Variants in PRDM8 observed in about 807,000 individuals in gnomAD.
PRDM8 encodes the protein PR domain zinc finger protein 8.
Under a neutral mutation model 46.5 loss-of-function variants are expected in PRDM8, and 13 were observed. The observed-to-expected ratio is 0.28, with a 90% CI of 0.18 to 0.44. The LOEUF is 0.44. Among genes scored for constraint, PRDM8 ranks in the 20% least tolerant of loss-of-function variants. The pLI is 1.00. For missense variants in PRDM8, 998 were observed against 955.0 expected, an observed-to-expected ratio of 1.04 and a Z score of -0.59; for synonymous variants, 473 against 438.4, an observed-to-expected ratio of 1.08 and a Z score of -0.98.
Position 80,202,940 on chromosome 4 carries a change from C to T in PRDM8, c.1478C>T (p.Ala493Val), listed in dbSNP as rs760170098. The T allele has an allele frequency of 2.7e-6, 4 of 1,461,594 alleles. No individual in the cohort carries two copies. The highest frequency in any genetic ancestry group is 2.9e-5 in the African/African-American group (2 of 68,062). 90.5% of individuals were successfully genotyped at this position (1,461,594 alleles called of 1,614,324 possible). ...AGGAGGGQGAASDERKSAFSQ... is the reference protein window; with the variant it reads ...AGGAGGGQGAVSDERKSAFSQ... ...GGCGCGGGCGGGGGCCAGGGCGCCG[C>T]GTCGGACGAGCGCAAAAGCGCCTTC... Residue 493 changes from alanine (A) to valine (V), a missense_variant, in exon 4 of 4, where the codon GCG becomes GTG. Transcript: ENST00000415738.
chr4:80,204,229 T>C lies in PRDM8; in HGVS notation c.*697T>C, dbSNP rs1301756655. On this transcript the variant is annotated 3_prime_UTR_variant, in exon 4 of 4. Transcript: ENST00000415738. Reference sequence around the variant, plus strand: ...TGCCAGTGAAATGGAGTCTGAATAGTTATGTGTTTCTTTTATCCCTGGAAA... The same window carrying C: ...TGCCAGTGAAATGGAGTCTGAATAGCTATGTGTTTCTTTTATCCCTGGAAA... 6.6e-6 allele frequency: 1 copy of C among 152,662 alleles called. No individual in the cohort carries two copies. The highest frequency in any genetic ancestry group is 1.9e-4 in the East Asian group (1 of 5,202). 9.5% of individuals were successfully genotyped at this position (152,662 alleles called of 1,614,324 possible).
chr4:80,197,602 C>A lies in PRDM8; in HGVS notation c.-164C>A, dbSNP rs1738062761. ...CCCCAATCTTTTTCTCCCCATCTCT[C>A]CATCTCTCTCTTATCTCTTCAGGAA... On this transcript the variant is annotated 5_prime_UTR_variant, in exon 1 of 4. Coordinates refer to ENST00000415738, the MANE Select transcript of PRDM8 (RefSeq NM_001099403.2). The A allele has an allele frequency of 2.1e-6, 2 of 959,234 alleles. No homozygotes were observed. Among genetic ancestry groups the A allele is most frequent in the South Asian group, 4.9e-5 (1 of 20,474 alleles). 59.4% of individuals were successfully genotyped at this position (959,234 alleles called of 1,614,324 possible).
At position 80,202,927 on chromosome 4, in the gene PRDM8, G is replaced by A. The variant is rs1310667127; in HGVS notation, c.1465G>A (p.Gly489Ser). Reference sequence around the variant, plus strand: ...CGGGGCCGCAGGCGGCGCGGGCGGGGGCCAGGGCGCCGCGTCGGACGAGCG... The same window carrying A: ...CGGGGCCGCAGGCGGCGCGGGCGGGAGCCAGGGCGCCGCGTCGGACGAGCG... Reference protein sequence around the residue: ...GAGAAGGAGGGQGAASDERKS... With the variant: ...GAGAAGGAGGSQGAASDERKS... The change falls in exon 4 of 4, where the codon GGC becomes AGC. Residue 489 changes from glycine to serine, a missense_variant. By Grantham distance (56) the Gly-to-Ser change is moderately conservative. Transcript: ENST00000415738. 2.8e-6 allele frequency: 4 copies of A among 1,435,482 alleles called. No homozygotes were observed. The highest frequency in any genetic ancestry group is 2.4e-4 in the Middle Eastern group (1 of 4,098). The allele number at this position is 1,435,482 out of a possible 1,614,324, so 88.9% of individuals were successfully genotyped here. A position where few individuals can be genotyped will look rare whatever the true frequency, so the allele number is the denominator to read the frequency against.
In PRDM8 at chr4:80,202,681, G is replaced by A; in HGVS notation, c.1219G>A (p.Ala407Thr). Residue 407 changes from alanine to threonine, a missense_variant, in exon 4 of 4, where the codon GCG becomes ACG. Coordinates refer to ENST00000415738, the MANE Select transcript of PRDM8 (RefSeq NM_001099403.2). ...SLQEEGTADGAGVASEDQDAG... is the reference protein window; with the variant it reads ...SLQEEGTADGTGVASEDQDAG... ...GCAGGAGGAGGGGACAGCCGACGGCGCGGGAGTCGCCTCCGAGGACCAGGA... is the reference window on the plus strand; with the variant it reads ...GCAGGAGGAGGGGACAGCCGACGGCACGGGAGTCGCCTCCGAGGACCAGGA... The A allele has an allele frequency of 3.5e-6, 5 of 1,416,848 alleles. No individual in the cohort carries two copies. Among genetic ancestry groups the A allele is most frequent in the Non-Finnish European group, 4.6e-6 (5 of 1,090,872 alleles). The allele number at this position is 1,416,848 out of a possible 1,614,324, so 87.8% of individuals were successfully genotyped here. A position where few individuals can be genotyped will look rare whatever the true frequency, so the allele number is the denominator to read the frequency against.
Position 80,201,952 on chromosome 4 carries a change from T to A in PRDM8, c.490T>A (p.Phe164Ile). The A allele has an allele frequency of 6.2e-7, 1 of 1,613,906 alleles. No individual in the cohort carries two copies. The highest frequency in any genetic ancestry group is 2.2e-5 in the East Asian group (1 of 44,856). Residue 164 changes from phenylalanine to isoleucine, a missense_variant, in exon 4 of 4, where the codon TTC becomes ATC. Transcript: ENST00000415738. ...CACATGCCTGGAATGCAGCCAACGT[T>A]TCCAGTTTGAGTTCCCCTATGTGGC... ...PYTCLECSQR[F>I]QFEFPYVAHL...
At chr4:80,201,050 C>T (rs1738402096) in intron 2 of PRDM8, among the ~76,000 whole-genome samples, 3 of 152,286 alleles carry the variant, frequency 2.0e-5, no homozygotes, top group Non-Finnish European at 4.4e-5. Flanking sequence ...TATATAAAAA[C>T]GGTGACTTAA....
chr4:80,193,366 C>T (rs1382898873), upstream of PRDM8, among the ~76,000 whole-genome samples: 1 of 152,110 alleles, frequency 6.6e-6, no homozygotes, highest in African/African-American at 2.4e-5. Flanking sequence ...TCATCCTTTA[C>T]CCAACTCAGC....
intron 2 of PRDM8, among the ~76,000 whole-genome samples, chr4:80,200,589 G>A (rs1738367862): frequency 6.6e-6 from 1 of 152,132 alleles, no homozygotes; most frequent in African/African-American, 2.4e-5. Flanking sequence ...CTAAACTCTG[G>A]GAGATTTCAC....
intron 1 of PRDM8, among the ~76,000 whole-genome samples, chr4:80,199,108 T>C (rs1017624091): frequency 2.0e-5 from 3 of 150,830 alleles, no homozygotes; most frequent in African/African-American, 7.3e-5. Flanking sequence ...ACTTTCTAAA[T>C]TGCTGCGGAT....
rs200207619 is a variant in PRDM8 at position 80,201,873 on chromosome 4, T to TGTGC, written c.452-29_452-26dup. ...CATGTGGTGTGCGTGTGTGTGTGTG[T>TGTGC]GTGCGTGCGTGCGTGTGTGTGGTGT... On this transcript the variant is annotated intron_variant, in intron 3 of 3. Coordinates refer to ENST00000415738, the MANE Select transcript of PRDM8 (RefSeq NM_001099403.2). The TGTGC allele has an allele frequency of 6.8e-5, 109 of 1,604,144 alleles. No homozygotes were observed. The African/African-American group carries it at 9.8e-4, about 14-fold the overall frequency.
chr4:80,197,104 C>T, upstream of PRDM8: 3 of 985,492 alleles, frequency 3.0e-6, no homozygotes, highest in African/African-American at 1.7e-5. Context: ...TTTCACGGAA[C>T]GCGGACTCCG....
chr4:80,185,832 C>A (rs1244688935), intron 1 of PRDM8, among the ~76,000 whole-genome samples: 1 of 152,194 alleles, frequency 6.6e-6, no homozygotes. Flanking sequence ...CCCTCATAAT[C>A]GTAATTTGCG....
Position 80,200,084 on chromosome 4 carries a change from G to C in PRDM8, c.4G>C (p.Glu2Gln), listed in dbSNP as rs1738311819. 1.2e-6 allele frequency: 2 copies of C among 1,611,832 alleles called. No homozygotes were observed. The highest frequency in any genetic ancestry group is 1.7e-6 in the Non-Finnish European group (2 of 1,178,168). The change falls in exon 2 of 4, where the codon GAG becomes CAG. Residue 2 changes from glutamate to glutamine, a missense_variant. Coordinates refer to ENST00000415738, the MANE Select transcript of PRDM8 (RefSeq NM_001099403.2). ...TGCTGTGTGTCTATCTCCAGTGATGGAGGATACTGGCATCCAGCGAGGCAT... is the reference window on the plus strand; with the variant it reads ...TGCTGTGTGTCTATCTCCAGTGATGCAGGATACTGGCATCCAGCGAGGCAT... Reference protein sequence around the residue: MEDTGIQRGIWD... With the variant: MQDTGIQRGIWD...
chr4:80,202,904 G>C lies in PRDM8; in HGVS notation c.1442G>C (p.Gly481Ala). 1 of 1,335,024 alleles carries C rather than the reference G, an allele frequency of 7.5e-7. No homozygotes were observed. The highest frequency in any genetic ancestry group is 9.5e-7 in the Non-Finnish European group (1 of 1,054,104). 82.7% of individuals were successfully genotyped at this position (1,335,024 alleles called of 1,614,324 possible). A position where few individuals can be genotyped will look rare whatever the true frequency, so the allele number is the denominator to read the frequency against. ...AGCGGTGGGGGCGGAACGGGCGCCG[G>C]GGCCGCAGGCGGCGCGGGCGGGGGC... ...STSGGGGTGAGAAGGAGGGQG... is the reference protein window; with the variant it reads ...STSGGGGTGAAAAGGAGGGQG... The change falls in exon 4 of 4, where the codon GGG (glycine) becomes GCG (alanine). Residue 481 changes from glycine (G) to alanine (A), a missense_variant. By Grantham distance (60) the Gly-to-Ala change is moderately conservative. Coordinates refer to ENST00000415738, the MANE Select transcript of PRDM8 (RefSeq NM_001099403.2).
chr4:80,198,267 G>A (rs1025574782), intron 1 of PRDM8, among the ~76,000 whole-genome samples: 3 of 152,224 alleles, frequency 2.0e-5, no homozygotes, highest in Non-Finnish European at 4.4e-5. Flanking sequence ...GTATTGTTAG[G>A]TAGAACTGCA....
rs1738755490 is a variant in PRDM8 at position 80,203,597 on chromosome 4, A to T, written c.*65A>T. ...AGTTAAGCCACCTGCAGGAATAAAC[A>T]CGCGAGAACATCCACCGCTTCCTTG... On this transcript the variant is annotated 3_prime_UTR_variant, in exon 4 of 4. Coordinates refer to ENST00000415738, the MANE Select transcript of PRDM8 (RefSeq NM_001099403.2). 4 of 1,503,386 alleles carry T rather than the reference A, an allele frequency of 2.7e-6. No homozygotes were observed. The South Asian group carries it at 5.3e-5, about 20-fold the overall frequency. The allele number at this position is 1,503,386 out of a possible 1,614,324, so 93.1% of individuals were successfully genotyped here.
chr4:80,190,250 T>C (rs1455267581), intron 1 of PRDM8: 1 of 152,210 alleles, frequency 6.6e-6, no homozygotes, highest in African/African-American at 2.4e-5. Context: ...GCAGGTTAAG[T>C]GGTCACCTAG....
At position 80,202,557 on chromosome 4, in the gene PRDM8, A is replaced by G. The variant is rs371415505; in HGVS notation, c.1095A>G (p.Glu365=). 1.3e-5 allele frequency: 20 copies of G among 1,534,970 alleles called. No homozygotes were observed. The East Asian group carries it at 2.9e-4, about 23-fold the overall frequency. Residue 365 remains glutamate (E), a synonymous_variant, in exon 4 of 4, where the codon GAA becomes GAG. Transcript: ENST00000415738. ...CCTCGGGCAGCTACTTCGGCCTGGA[A>G]GAGAACGGCCGCCTCTTCGCGCCGC... ...YRASGSYFGL[E]ENGRLFAPPS...
At chr4:80,187,220 T>C (rs1737165643) in intron 1 of PRDM8, among the ~76,000 whole-genome samples, 1 of 141,634 alleles carries the variant, frequency 7.1e-6, no homozygotes, top group African/African-American at 2.7e-5. Flanking sequence ...CCCCAGGTTG[T>C]TGCTGTATCA....
Sources: gnomAD v4.1 joint callset for allele counts (sites outside exome capture counted in the v4.1 genomes callset) on GRCh38, gnomAD v4.1.1 for gene constraint, MANE v1.5 for transcripts, NCBI Gene and HGNC (gene_info 2026-07-23, HGNC 2026-07-21) for gene names.